The following SRGAP1 variants were observed in gnomAD, a reference collection of about 807,000 sequenced individuals.
SRGAP1 encodes SLIT-ROBO Rho GTPase-activating protein 1.
SRGAP1 carries 43 observed loss-of-function variants against 121.9 expected under a neutral mutation model. That is an observed-to-expected ratio of 0.35 (90% CI 0.28 to 0.46). The LOEUF (loss-of-function observed/expected upper bound fraction) is 0.46, where lower values mean the gene tolerates loss of function less well. Among genes scored for constraint, SRGAP1 ranks in the 20% least tolerant of loss-of-function variants. SRGAP1 has a pLI of 1.00. For missense variants in SRGAP1, 1,102 were observed against 1,350.9 expected, an observed-to-expected ratio of 0.82 and a Z score of 2.89; for synonymous variants, 447 against 485.4, an observed-to-expected ratio of 0.92 and a Z score of 1.04.
chr12:63,892,315 A>G (rs1900613838), intron 1 of SRGAP1, among the ~76,000 whole-genome samples: 1 of 152,228 alleles, frequency 6.6e-6, no homozygotes, highest in African/African-American at 2.4e-5. Context: ...AACAGCCCTG[A>G]AAAATAATGA....
At chr12:63,979,156 C>T (rs1356725904) in intron 1 of SRGAP1, among the ~76,000 whole-genome samples, 1 of 149,828 alleles carries the variant, frequency 6.7e-6, no homozygotes, top group Non-Finnish European at 1.5e-5. Context: ...TCTCCTCCCT[C>T]AGCCTCCCGA....
In SRGAP1 at chr12:64,159,651, C is replaced by T. The variant is rs1051528946; in HGVS notation, c.*16979C>T. 6.6e-6 allele frequency: 1 copy of T among 152,204 alleles called. No individual in the cohort carries two copies. The highest frequency in any genetic ancestry group is 2.4e-5 in the African/African-American group (1 of 41,436). The allele number at this position is 152,204 out of a possible 1,614,324, so 9.4% of individuals were successfully genotyped here. On this transcript the variant is annotated 3_prime_UTR_variant, in exon 22 of 22. Coordinates refer to ENST00000355086, the MANE Select transcript of SRGAP1 (RefSeq NM_020762.4). Reference sequence around the variant, plus strand: ...GAGATCCTGTCTCAAAAAATAATAACAATAACGTATGAGAGAGGATTCAAG... The same window carrying T: ...GAGATCCTGTCTCAAAAAATAATAATAATAACGTATGAGAGAGGATTCAAG...
chr12:64,059,026 A>C (rs1369868545), intron 6 of SRGAP1, among the ~76,000 whole-genome samples: 1 of 152,118 alleles, frequency 6.6e-6, no homozygotes, highest in African/African-American at 2.4e-5. Context: ...TTTCCTATCA[A>C]AACTCTTCAC....
At chr12:63,992,436 G>A (rs1249105728) in intron 3 of SRGAP1, among the ~76,000 whole-genome samples, 2 of 152,150 alleles carry the variant, frequency 1.3e-5, no homozygotes, top group African/African-American at 2.4e-5. Context: ...GAGTGCTCTG[G>A]GGCTGGCATG....
In SRGAP1 at chr12:64,126,173, TTTGA is replaced by T; in HGVS notation, c.2405+20_2405+23del. 6.2e-7 allele frequency: 1 copy of T among 1,605,292 alleles called. No individual in the cohort carries two copies. Among genetic ancestry groups the T allele is most frequent in the Non-Finnish European group, 8.5e-7 (1 of 1,173,268 alleles). Reference sequence around the variant, plus strand: ...TGCAGGATATGTGAGTAGTCTCAACTTTGATTGCCTGAGTGCTCCCAATAGAGGA... The same window carrying T: ...TGCAGGATATGTGAGTAGTCTCAACTTTGCCTGAGTGCTCCCAATAGAGGA... On this transcript the variant is annotated intron_variant, in intron 19 of 21. Coordinates refer to ENST00000355086, the MANE Select transcript of SRGAP1 (RefSeq NM_020762.4).
At chr12:64,079,802 T>A (rs141627794) in intron 9 of SRGAP1, among the ~76,000 whole-genome samples, 360 of 152,100 alleles carry the variant, frequency 2.4e-3, no homozygotes, top group African/African-American at 8.2e-3. Flanking sequence ...AACCTGAGAG[T>A]GTGCATCTCT....
At chr12:64,009,880 G>A (rs1465164408) in intron 3 of SRGAP1, among the ~76,000 whole-genome samples, 1 of 152,140 alleles carries the variant, frequency 6.6e-6, no homozygotes, top group African/African-American at 2.4e-5. Flanking sequence ...AGTTAGAAGG[G>A]AAATGTGCAG....
chr12:64,079,155 GA>G (rs775661015), intron 9 of SRGAP1, 39 bp downstream of exon 9: 13 of 1,609,900 alleles, frequency 8.1e-6, no homozygotes, highest in Non-Finnish European at 1.1e-5. Context: ...ACAGAGCTCA[GA>G]TCTAGGATTC....
At chr12:63,859,862 A>G (rs1268957237) in intron 1 of SRGAP1, among the ~76,000 whole-genome samples, 1 of 152,148 alleles carries the variant, frequency 6.6e-6, no homozygotes, top group East Asian at 1.9e-4. Context: ...TCCCTAATAA[A>G]TATTCATGAT....
At chr12:63,892,236 T>C (rs1900611151) in intron 1 of SRGAP1, among the ~76,000 whole-genome samples, 1 of 152,180 alleles carries the variant, frequency 6.6e-6, no homozygotes, top group Non-Finnish European at 1.5e-5. Flanking sequence ...TTTTTAAATG[T>C]TCTGTTTTCA....
chr12:63,862,374 A>C (rs1899484392), intron 1 of SRGAP1, among the ~76,000 whole-genome samples: 1 of 152,068 alleles, frequency 6.6e-6, no homozygotes, highest in Non-Finnish European at 1.5e-5. Context: ...CAAGACGAGC[A>C]TTTACAAACA....
chr12:63,858,275 A>G (rs909422149), intron 1 of SRGAP1, among the ~76,000 whole-genome samples: 4 of 151,392 alleles, frequency 2.6e-5, no homozygotes, highest in Non-Finnish European at 4.4e-5. Flanking sequence ...AATTCTTGGG[A>G]AAAAAACAGA....
chr12:64,127,865 C>T lies in SRGAP1; in HGVS notation c.2545C>T (p.Arg849Ter), dbSNP rs138602291. ...RHPDGYLARQRKRGEPPPPVR... is the reference protein window; with the variant it reads ...RHPDGYLARQ Reference sequence around the variant, plus strand: ...CCTGTTTCTGTGAATGTCTAGGCAACGAAAAAGAGGAGAGCCACCCCCTCC... The same window carrying T: ...CCTGTTTCTGTGAATGTCTAGGCAATGAAAAAGAGGAGAGCCACCCCCTCC... Residue 849 changes from arginine to a stop codon, truncating the protein, a stop_gained, in exon 21 of 22, where the codon CGA (arginine) becomes TGA (stop). Coordinates refer to ENST00000355086, the MANE Select transcript of SRGAP1 (RefSeq NM_020762.4). LOFTEE classifies it high-confidence loss of function. 9.3e-6 allele frequency: 15 copies of T among 1,607,626 alleles called. No homozygotes were observed. The highest frequency in any genetic ancestry group is 1.1e-5 in the Non-Finnish European group (13 of 1,176,188).
intron 16 of SRGAP1, among the ~76,000 whole-genome samples, chr12:64,110,246 C>T (rs2036410704): frequency 6.6e-6 from 1 of 152,200 alleles, no homozygotes. Flanking sequence ...ACCATTCCTA[C>T]CAAATCTTCC....
At chr12:63,932,186 C>T (rs1190893334) in intron 1 of SRGAP1, among the ~76,000 whole-genome samples, 2 of 152,064 alleles carry the variant, frequency 1.3e-5, no homozygotes, top group African/African-American at 4.8e-5. Flanking sequence ...GAGGGTGAGG[C>T]AGGAGAATGC....
intron 10 of SRGAP1, among the ~76,000 whole-genome samples, chr12:64,086,601 C>T (rs901664118): frequency 6.6e-6 from 1 of 151,938 alleles, no homozygotes; most frequent in African/African-American, 2.4e-5. Context: ...CCATCCTTCT[C>T]GCTAACAAGT....
At position 64,153,854 on chromosome 12, in the gene SRGAP1, G is replaced by C. The variant is rs1206452182; in HGVS notation, c.*11182G>C. The C allele has an allele frequency of 1.3e-5, 2 of 152,236 alleles. No homozygotes were observed. The highest frequency in any genetic ancestry group is 2.9e-5 in the Non-Finnish European group (2 of 68,044). 9.4% of individuals were successfully genotyped at this position (152,236 alleles called of 1,614,324 possible). The stretch of plus-strand genomic sequence containing the variant: ...ACAGAAGAGATATTTGCACACTCAT[G>C]TTCACGCAGCTTAATTCACAATAGC... On this transcript the variant is annotated 3_prime_UTR_variant, in exon 22 of 22. Transcript: ENST00000355086.
intron 11 of SRGAP1, 40 bp from the exon 12 acceptor site, chr12:64,091,228 TATTGTTTG>T (rs773975180): frequency 5.1e-6 from 7 of 1,364,962 alleles, no homozygotes; most frequent in Non-Finnish European, 7.0e-6. Context: ...ATGTTTCATT[TATTGTTTG>T]ATTTCTGCCA....
In SRGAP1 at chr12:64,160,485, T is replaced by A. The variant is rs1469539842; in HGVS notation, c.*17813T>A. 6.6e-6 allele frequency: 1 copy of A among 152,238 alleles called. No homozygotes were observed. Among genetic ancestry groups the A allele is most frequent in the East Asian group, 1.9e-4 (1 of 5,200 alleles). The allele number at this position is 152,238 out of a possible 1,614,324, so 9.4% of individuals were successfully genotyped here. ...AGTGTAAGTGGAAATGACCCAGCCC[T>A]AGATTTACTTGGCTTTAGTTTCCAT... On this transcript the variant is annotated 3_prime_UTR_variant, in exon 22 of 22. Transcript: ENST00000355086.
Sources: gnomAD v4.1 joint callset for allele counts (sites outside exome capture counted in the v4.1 genomes callset) on GRCh38, gnomAD v4.1.1 for gene constraint, MANE v1.5 for transcripts, NCBI Gene and HGNC (gene_info 2026-07-23, HGNC 2026-07-21) for gene names.